The following AFAP1L2 variants were observed in gnomAD, a reference collection of about 807,000 sequenced individuals.
AFAP1L2 encodes actin filament associated protein 1 like 2, also known as actin filament-associated protein 1-like 2.
AFAP1L2 carries 46 observed loss-of-function variants against 99.3 expected under a neutral mutation model. That is an observed-to-expected ratio of 0.46 (90% CI 0.37 to 0.59). AFAP1L2 has a LOEUF of 0.59. Ranked by LOEUF, AFAP1L2 falls within the 20% of genes least tolerant of loss-of-function variation. The pLI is 0.00. For missense variants in AFAP1L2, 959 were observed against 1,034.9 expected (o/e 0.93, Z 1.01); for synonymous variants, 397 against 419.1 (o/e 0.95, Z 0.64).
At chr10:114,302,892 A>G (rs1328537367) in intron 11 of AFAP1L2, among the ~76,000 whole-genome samples, 2 of 152,240 alleles carry the variant, frequency 1.3e-5, no homozygotes, top group South Asian at 2.1e-4. Context: ...TGAACAATGC[A>G]TGTCATTCCC....
At position 114,377,553 on chromosome 10, in the gene AFAP1L2, A is replaced by T. The variant is rs1008683540; in HGVS notation, c.16+26887T>A. On this transcript the variant is annotated intron_variant, in intron 1 of 18. Coordinates refer to ENST00000304129, the MANE Select transcript of AFAP1L2 (RefSeq NM_001001936.3). The surrounding 1 kb of genome is among the most constrained non-coding windows in gnomAD (Gnocchi z 4.0). ...ATCAAGGGAGTATAACTTAGGCATC[A>T]GTGGTCAATGTTGCTTATGGAACCA... Among the ~76,000 whole-genome samples, 5 of 152,238 alleles carry T rather than the reference A, an allele frequency of 3.3e-5. No homozygotes were observed. The highest frequency in any genetic ancestry group is 7.3e-5 in the Non-Finnish European group (5 of 68,050).
intron 7 of AFAP1L2, among the ~76,000 whole-genome samples, chr10:114,310,653 CG>C (rs1238543831): frequency 6.6e-6 from 1 of 152,204 alleles, no homozygotes; most frequent in Non-Finnish European, 1.5e-5. Context: ...GGGGAGGGCT[CG>C]TTGTTTAGCT....
At chr10:114,340,920 GGAGA>G in intron 1 of AFAP1L2, 189 bp from the exon 2 acceptor site, 1 of 726,180 alleles carries the variant, frequency 1.4e-6, no homozygotes, top group East Asian at 2.7e-5. Flanking sequence ...AGGGCCACAG[GGAGA>G]GAGAAACAGG....
intron 7 of AFAP1L2, among the ~76,000 whole-genome samples, chr10:114,311,306 A>G (rs2043204924): frequency 1.3e-5 from 2 of 152,176 alleles, no homozygotes; most frequent in Non-Finnish European, 2.9e-5. Context: ...TCCCAGGGCG[A>G]CCAGAAACAC....
intron 1 of AFAP1L2, among the ~76,000 whole-genome samples, chr10:114,389,823 A>G (rs1484197680): frequency 6.6e-6 from 1 of 152,248 alleles, no homozygotes; most frequent in African/African-American, 2.4e-5. Context: ...ATTAATATGA[A>G]GGAAAATGAC....
chr10:114,284,012 A>T, the AFAP1L2 span, among the ~76,000 whole-genome samples: 947 of 152,384 alleles, frequency 6.2e-3, 4 homozygotes, highest in Admixed American at 0.011. Context: ...ACATGATCAC[A>T]TGAAGACCTT....
At chr10:114,344,752 C>T (rs146573283) in intron 1 of AFAP1L2, among the ~76,000 whole-genome samples, 3 of 152,128 alleles carry the variant, frequency 2.0e-5, no homozygotes, top group Admixed American at 2.0e-4. Flanking sequence ...AATTGTAGCT[C>T]GTCCTTGAGG....
rs561210431 is a variant in AFAP1L2 at position 114,322,245 on chromosome 10, T to G, written c.406+926A>C. 2.6e-5 allele frequency among the ~76,000 whole-genome samples: 4 copies of G among 152,328 alleles called. No homozygotes were observed. In the South Asian group the frequency reaches 8.3e-4, roughly 32 times the overall value. ...CTCGGGCGTGTCTTTATTAGCAGCA[T>G]GAGCACAGAGTAATACACTAAGTTA... On this transcript the variant is annotated intron_variant, in intron 5 of 18. Transcript: ENST00000304129.
At chr10:114,305,050 G>A in intron 10 of AFAP1L2, 120 bp from the exon 11 acceptor site, 1 of 706,630 alleles carries the variant, frequency 1.4e-6, no homozygotes, top group Non-Finnish European at 2.3e-6. Context: ...TGCGGGAGGG[G>A]AAGCGGATGC....
intron 2 of AFAP1L2, among the ~76,000 whole-genome samples, chr10:114,335,289 A>T (rs909121589): frequency 6.6e-6 from 1 of 152,062 alleles, no homozygotes; most frequent in South Asian, 2.1e-4. Context: ...ATTCACTACA[A>T]TACTGCATGA....
intron 1 of AFAP1L2, among the ~76,000 whole-genome samples, chr10:114,388,951 C>T (rs191584850): frequency 6.6e-6 from 1 of 152,282 alleles, no homozygotes; most frequent in Non-Finnish European, 1.5e-5. Context: ...AAGGAAGAGG[C>T]ATCAATAAGC....
chr10:114,352,842 C>G (rs1051408273), intron 1 of AFAP1L2, among the ~76,000 whole-genome samples: 7 of 152,230 alleles, frequency 4.6e-5, no homozygotes, highest in African/African-American at 1.7e-4. Flanking sequence ...GGGCAATGTT[C>G]CTTTCGGCAA....
intron 1 of AFAP1L2, among the ~76,000 whole-genome samples, chr10:114,347,705 C>T (rs761269229): frequency 1.3e-5 from 2 of 152,182 alleles, no homozygotes; most frequent in Non-Finnish European, 2.9e-5. Flanking sequence ...GAGACAGAGT[C>T]GTGCTATGTA....
intron 1 of AFAP1L2, among the ~76,000 whole-genome samples, chr10:114,354,580 C>G (rs1176413757): frequency 6.6e-6 from 1 of 152,110 alleles, no homozygotes; most frequent in African/African-American, 2.4e-5. Flanking sequence ...TCCCTCAGGC[C>G]CTGGTGATGA....
At chr10:114,316,741 T>G (rs1410365909) in intron 5 of AFAP1L2, among the ~76,000 whole-genome samples, 1 of 152,206 alleles carries the variant, frequency 6.6e-6, no homozygotes, top group African/African-American at 2.4e-5. Context: ...GTCCATCGAT[T>G]GATTGATCTA....
chr10:114,368,597 T>C (rs1475736903), intron 1 of AFAP1L2, among the ~76,000 whole-genome samples: 1 of 152,116 alleles, frequency 6.6e-6, no homozygotes, highest in Non-Finnish European at 1.5e-5. Flanking sequence ...GTATTTTCTG[T>C]AGAGATGGGG....
At chr10:114,401,525 A>G (rs891870448) in intron 1 of AFAP1L2, among the ~76,000 whole-genome samples, 43 of 152,346 alleles carry the variant, frequency 2.8e-4, no homozygotes, top group African/African-American at 8.9e-4. Context: ...CTGCTTATAC[A>G]ACGCCAAAGA....
chr10:114,300,335 G>C lies in AFAP1L2; in HGVS notation c.1816C>G (p.Pro606Ala). 6.2e-7 allele frequency: 1 copy of C among 1,614,166 alleles called. No homozygotes were observed. The highest frequency in any genetic ancestry group is 8.5e-7 in the Non-Finnish European group (1 of 1,180,036). ...TTGACGGTGGTGATTCTCAGGGAAG[G>C]ATCCTCTGGCTCCAAACTCTCCAGC... ...QQLESLEPED[P>A]SLRITTVKIQ... Residue 606 changes from proline (P) to alanine (A), a missense_variant, in exon 15 of 19, where the codon CCT (proline) becomes GCT (alanine). By Grantham distance (27) the Pro-to-Ala change is conservative. Transcript: ENST00000304129.
chr10:114,355,256 C>CTTTTTTTT lies in AFAP1L2; in HGVS notation c.17-14533_17-14526dup, dbSNP rs35562783. Among the ~76,000 whole-genome samples the CTTTTTTTT allele has an allele frequency of 1.8e-3, 242 of 133,054 alleles. 7 individuals are homozygous for CTTTTTTTT. The highest frequency in any genetic ancestry group is 6.1e-3 in the African/African-American group (218 of 35,860). 87.3% of individuals were successfully genotyped at this position (133,054 alleles called of 152,430 possible). A position where few individuals can be genotyped will look rare whatever the true frequency, so the allele number is the denominator to read the frequency against. ...AGAAGCCTTTCTCTTCTCGCTCTCT[C>CTTTTTTTT]TTTTTTTTTTTTTTTTGAGACGGAG... is the stretch of plus-strand genomic sequence containing the variant. On this transcript the variant is annotated intron_variant, in intron 1 of 18. Transcript: ENST00000304129.
Sources: gnomAD v4.1 joint callset for allele counts (sites outside exome capture counted in the v4.1 genomes callset) on GRCh38, gnomAD v4.1.1 for gene constraint, Gnocchi (gnomAD v3.1) non-coding constraint, MANE v1.5 for transcripts, NCBI Gene and HGNC (gene_info 2026-07-23, HGNC 2026-07-21) for gene names.